The following SGCD variants were observed in gnomAD, a reference collection of about 807,000 sequenced individuals.
SGCD encodes delta-sarcoglycan.
Under a neutral mutation model 36.6 loss-of-function variants are expected in SGCD, and 18 were observed. The observed-to-expected ratio is 0.49, with a 90% CI of 0.34 to 0.73. The LOEUF (loss-of-function observed/expected upper bound fraction) is 0.73, where lower values mean the gene tolerates loss of function less well. Ranked by LOEUF, SGCD falls within the 30% of genes least tolerant of loss-of-function variation. The pLI, the probability that SGCD is intolerant of heterozygous loss-of-function variation, is 0.01. For missense variants in SGCD, 387 were observed against 346.7 expected, an observed-to-expected ratio of 1.12 and a Z score of -0.92; for synonymous variants, 133 against 130.6, an observed-to-expected ratio of 1.02 and a Z score of -0.12.
chr5:155,952,249 G>T (rs1304484849), intron 1 of SGCD, among the ~76,000 whole-genome samples: 1 of 152,140 alleles, frequency 6.6e-6, no homozygotes, highest in East Asian at 1.9e-4. Context: ...CAAGGAGGAA[G>T]ATGCTGACTT....
intron 3 of SGCD, among the ~76,000 whole-genome samples, chr5:156,358,277 T>C (rs1280434454): frequency 6.6e-6 from 1 of 152,224 alleles, no homozygotes; most frequent in East Asian, 1.9e-4. Context: ...TTATAGTTCA[T>C]ATAAGCAATT....
At chr5:155,795,441 A>G in the SGCD span, among the ~76,000 whole-genome samples, 424 of 152,270 alleles carry the variant, frequency 2.8e-3, 1 homozygote, top group African/African-American at 9.9e-3. Context: ...ACTAACAGAA[A>G]GTAGAAAAAG....
intron 6 of SGCD, among the ~76,000 whole-genome samples, chr5:156,621,212 G>A (rs1226746979): frequency 6.6e-6 from 1 of 152,140 alleles, no homozygotes; most frequent in Non-Finnish European, 1.5e-5. Flanking sequence ...CCCCCTTTGA[G>A]ATAGAGTCTC....
At chr5:156,004,313 A>C (rs1417160861) in intron 1 of SGCD, among the ~76,000 whole-genome samples, 1 of 152,232 alleles carries the variant, frequency 6.6e-6, no homozygotes, top group African/African-American at 2.4e-5. Context: ...TTTCTAGAAC[A>C]GTACTACTGC....
intron 1 of SGCD, among the ~76,000 whole-genome samples, chr5:155,927,342 A>T (rs879556532): frequency 2.6e-5 from 4 of 152,238 alleles, no homozygotes; most frequent in Admixed American, 1.3e-4. Flanking sequence ...AGGTACTGTC[A>T]GTGCCTTCCA....
At chr5:156,508,838 T>C (rs1756817357) in intron 4 of SGCD, 136 bp downstream of exon 4, 2 of 542,220 alleles carry the variant, frequency 3.7e-6, no homozygotes, top group Non-Finnish European at 6.5e-6. Flanking sequence ...TTGCTTTCTC[T>C]TCTGAATCTT....
chr5:156,319,780 A>G (rs147225875), intron 3 of SGCD, among the ~76,000 whole-genome samples: 54 of 152,344 alleles, frequency 3.5e-4, no homozygotes, highest in Middle Eastern at 3.4e-3. Flanking sequence ...GTTGTCTCAT[A>G]CAAGTAATGA....
At chr5:156,406,863 A>G (rs1772459519) in intron 3 of SGCD, among the ~76,000 whole-genome samples, 1 of 137,368 alleles carries the variant, frequency 7.3e-6, no homozygotes, top group African/African-American at 2.8e-5. Flanking sequence ...TATATATATT[A>G]GTTTATTAAG....
intron 3 of SGCD, among the ~76,000 whole-genome samples, chr5:156,493,930 C>T (rs1405556058): frequency 6.6e-6 from 1 of 152,154 alleles, no homozygotes; most frequent in Non-Finnish European, 1.5e-5. Flanking sequence ...CTTCATCCCA[C>T]ATCCTCTTGA....
At chr5:155,833,244 G>A in the SGCD span, among the ~76,000 whole-genome samples, 1 of 151,468 alleles carries the variant, frequency 6.6e-6, no homozygotes, top group Non-Finnish European at 1.5e-5. Context: ...AAAGTCAGAA[G>A]GTACTGAGAT....
chr5:155,914,372 C>T (rs978816516), intron 1 of SGCD, among the ~76,000 whole-genome samples: 1 of 152,134 alleles, frequency 6.6e-6, no homozygotes, highest in African/African-American at 2.4e-5. Flanking sequence ...ATTTTCATGC[C>T]TACTATGTGC....
intron 3 of SGCD, among the ~76,000 whole-genome samples, chr5:156,154,023 A>G (rs1762890361): frequency 6.6e-6 from 1 of 151,602 alleles, no homozygotes; most frequent in South Asian, 2.1e-4. Context: ...CAGGGTCTGA[A>G]GTCAACCCAC....
At chr5:156,214,066 A>G (rs991851896) in intron 3 of SGCD, among the ~76,000 whole-genome samples, 2 of 152,010 alleles carry the variant, frequency 1.3e-5, no homozygotes, top group African/African-American at 4.8e-5. Context: ...GCCCACTTTT[A>G]CCATGTCTAT....
chr5:156,755,591 C>T (rs867292128), intron 7 of SGCD, among the ~76,000 whole-genome samples: 17 of 152,260 alleles, frequency 1.1e-4, no homozygotes, highest in Middle Eastern at 6.8e-3. Context: ...AGTCCCTCTC[C>T]CTGTTGCACT....
At chr5:156,576,112 C>T in intron 4 of SGCD, among the ~76,000 whole-genome samples, 1 of 149,840 alleles carries the variant, frequency 6.7e-6, no homozygotes, top group Non-Finnish European at 1.5e-5. Flanking sequence ...GTGTGATGTT[C>T]CCCTCCCTGT....
At chr5:156,329,621 C>T (rs757366710) in intron 2 of SGCD, 42 bp downstream of exon 2, 12 of 1,587,648 alleles carry the variant, frequency 7.6e-6, no homozygotes, top group South Asian at 1.1e-5. Context: ...AGGCCCTGCT[C>T]ATGGTCATTT....
At chr5:156,679,273 A>G (rs1753633176) in intron 7 of SGCD, among the ~76,000 whole-genome samples, 1 of 152,216 alleles carries the variant, frequency 6.6e-6, no homozygotes, top group Non-Finnish European at 1.5e-5. Flanking sequence ...TTTAAGACCA[A>G]GCACCACCAC....
At chr5:155,728,063 G>C in the SGCD span, among the ~76,000 whole-genome samples, 4 of 152,132 alleles carry the variant, frequency 2.6e-5, no homozygotes, top group African/African-American at 9.7e-5. Flanking sequence ...GCGGGGAGCT[G>C]GGGGAGCCTT....
At chr5:156,540,460 G>C in intron 4 of SGCD, among the ~76,000 whole-genome samples, 1 of 152,092 alleles carries the variant, frequency 6.6e-6, no homozygotes. Flanking sequence ...AACAAGGCTA[G>C]AGAGAAGAGA....
Sources: allele counts gnomAD v4.1 joint callset (sites outside exome capture counted in the v4.1 genomes callset), GRCh38; gene constraint gnomAD v4.1.1; transcripts MANE v1.5; gene names NCBI Gene and HGNC (gene_info 2026-07-23, HGNC 2026-07-21).